The following FAM3D variants were observed in gnomAD, a reference collection of about 807,000 sequenced individuals.
FAM3D encodes the protein FAM3 metabolism regulating signaling molecule D.
In FAM3D, 26 loss-of-function variants were observed where a neutral mutation model predicts 29.8. That is an observed-to-expected ratio of 0.87 (90% CI 0.64 to 1.21). The LOEUF (loss-of-function observed/expected upper bound fraction) is 1.21, where lower values mean the gene tolerates loss of function less well. Among genes scored for constraint, FAM3D ranks in the 50% most tolerant of loss-of-function variants. The pLI is 0.00. For missense variants in FAM3D, 253 were observed against 290.9 expected (o/e 0.87, Z 0.95); for synonymous variants, 115 against 102.3 (o/e 1.12, Z -0.75).
intron 1 of FAM3D, among the ~76,000 whole-genome samples, chr3:58,658,624 T>A (rs958939836): frequency 3.3e-5 from 5 of 152,228 alleles, no homozygotes; most frequent in Non-Finnish European, 5.9e-5. Flanking sequence ...GTTCAACACC[T>A]ACCTGTGGTC....
intron 1 of FAM3D, among the ~76,000 whole-genome samples, chr3:58,661,474 C>T (rs1339969114): frequency 6.6e-6 from 1 of 152,236 alleles, no homozygotes; most frequent in Non-Finnish European, 1.5e-5. Flanking sequence ...CTCCCATTCA[C>T]CTGACAGATC....
chr3:58,640,276 A>G (rs2066291337), intron 6 of FAM3D, 99 bp from the exon 7 acceptor site: 1 of 1,345,294 alleles, frequency 7.4e-7, no homozygotes, highest in Admixed American at 1.7e-5. Flanking sequence ...ATCTAAAAAC[A>G]GAATAAGAAT....
chr3:58,656,352 G>A lies in FAM3D; in HGVS notation c.-38-751C>T, dbSNP rs545959622. 7.2e-5 allele frequency among the ~76,000 whole-genome samples: 11 copies of A among 152,298 alleles called. No individual in the cohort carries two copies. In the East Asian group the frequency reaches 1.7e-3, roughly 24 times the overall value. On this transcript the variant is annotated intron_variant, in intron 1 of 9. Transcript: ENST00000358781. ...TTGCAAGGGTGAGAGCCAGAATTTG[G>A]ATGCAGGTTTCTGGCTGCTGAACAC...
intron 1 of FAM3D, among the ~76,000 whole-genome samples, chr3:58,656,452 C>T (rs1299213446): frequency 6.6e-6 from 1 of 152,120 alleles, no homozygotes; most frequent in East Asian, 1.9e-4. Flanking sequence ...AGGGTTGAAA[C>T]CAAAGTTTTC....
intron 3 of FAM3D, 93 bp downstream of exon 3, chr3:58,653,581 T>A: frequency 8.3e-7 from 1 of 1,204,592 alleles, no homozygotes; most frequent in Middle Eastern, 2.6e-4. Flanking sequence ...GCTTGTCATG[T>A]CTCCTGGGTC....
intron 3 of FAM3D, among the ~76,000 whole-genome samples, chr3:58,650,862 C>T (rs566568928): frequency 2.0e-4 from 30 of 152,260 alleles, no homozygotes; most frequent in Admixed American, 1.5e-3. Context: ...GGACTACAGG[C>T]GCCCGCCACC....
Position 58,635,051 on chromosome 3 carries a change from T to C in FAM3D, c.586-683A>G, listed in dbSNP as rs2066123270. On this transcript the variant is annotated intron_variant, in intron 9 of 9. Coordinates refer to ENST00000358781, the MANE Select transcript of FAM3D (RefSeq NM_138805.3). This position sits in a 1 kb window ranked among gnomAD's most constrained non-coding sequence, Gnocchi z 5.2. The stretch of plus-strand genomic sequence containing the variant: ...TTAGCTGGATGTGGTGGCACATGCC[T>C]GTGGTCCCAGCTACTCAGGAGGCAG... 6.6e-6 allele frequency among the ~76,000 whole-genome samples: 1 copy of C among 152,124 alleles called. No homozygotes were observed. The highest frequency in any genetic ancestry group is 1.5e-5 in the Non-Finnish European group (1 of 68,022).
intron 1 of FAM3D, among the ~76,000 whole-genome samples, chr3:58,658,897 G>A (rs1287591696): frequency 6.6e-6 from 1 of 152,182 alleles, no homozygotes; most frequent in African/African-American, 2.4e-5. Flanking sequence ...TGTGGTAGAC[G>A]TGTCCTGCCA....
chr3:58,639,664 A>G (rs1182362979), intron 7 of FAM3D, among the ~76,000 whole-genome samples: 1 of 152,112 alleles, frequency 6.6e-6, no homozygotes, highest in East Asian at 1.9e-4. Flanking sequence ...TCACCCCTCC[A>G]TCCTGGGGGA....
intron 4 of FAM3D, among the ~76,000 whole-genome samples, chr3:58,648,967 C>T (rs1252711156): frequency 6.6e-6 from 1 of 152,238 alleles, no homozygotes; most frequent in South Asian, 2.1e-4. Flanking sequence ...TTAAGGAGCA[C>T]AGCCCTGGTC....
intron 1 of FAM3D, among the ~76,000 whole-genome samples, chr3:58,663,744 G>A (rs1278298847): frequency 6.6e-6 from 1 of 152,104 alleles, no homozygotes; most frequent in Non-Finnish European, 1.5e-5. Flanking sequence ...ATTTTCACCA[G>A]AACATTCCTC....
At chr3:58,662,275 C>A (rs564255859) in intron 1 of FAM3D, among the ~76,000 whole-genome samples, 1 of 152,188 alleles carries the variant, frequency 6.6e-6, no homozygotes, top group Non-Finnish European at 1.5e-5. Flanking sequence ...TATTCATTTC[C>A]GTCTGAGACA....
chr3:58,638,884 C>T (rs2066248792), intron 7 of FAM3D, among the ~76,000 whole-genome samples: 1 of 152,184 alleles, frequency 6.6e-6, no homozygotes, highest in African/African-American at 2.4e-5. Context: ...TCTTAAAGCA[C>T]CATTAATTTG....
At chr3:58,645,466 T>G (rs761757289) in intron 5 of FAM3D, 43 bp downstream of exon 5, 1 of 1,407,546 alleles carries the variant, frequency 7.1e-7, no homozygotes, top group South Asian at 1.5e-5. Context: ...TGAAATAAAA[T>G]AAAATAAAAT....
At chr3:58,638,124 T>C (rs2066227645) in intron 7 of FAM3D, among the ~76,000 whole-genome samples, 1 of 152,196 alleles carries the variant, frequency 6.6e-6, no homozygotes, top group African/African-American at 2.4e-5. Context: ...CCTCAGGTGA[T>C]CTGCCTGTCT....
At chr3:58,639,913 A>T (rs746200938) in intron 7 of FAM3D, among the ~76,000 whole-genome samples, 20 of 152,184 alleles carry the variant, frequency 1.3e-4, no homozygotes, top group Non-Finnish European at 1.8e-4. Context: ...TCCCTGTCTC[A>T]GGATCTGAGT....
At chr3:58,651,689 G>A (rs766818998) in intron 3 of FAM3D, among the ~76,000 whole-genome samples, 1 of 152,026 alleles carries the variant, frequency 6.6e-6, no homozygotes, top group Non-Finnish European at 1.5e-5. Context: ...TTCAATTACT[G>A]CCCCTCTCCC....
At chr3:58,649,379 G>A (rs373705839) in intron 3 of FAM3D, 41 bp from the exon 4 acceptor site, 8 of 1,613,330 alleles carry the variant, frequency 5.0e-6, no homozygotes, top group East Asian at 2.2e-5. Flanking sequence ...AAAGCACTTC[G>A]GACCCTCCTG....
intron 3 of FAM3D, among the ~76,000 whole-genome samples, chr3:58,652,506 A>G (rs1278557258): frequency 6.7e-6 from 1 of 148,854 alleles, no homozygotes; most frequent in African/African-American, 2.5e-5. Flanking sequence ...CCCTCCATCT[A>G]CCCATCTACC....
Sources: allele counts gnomAD v4.1 joint callset (sites outside exome capture counted in the v4.1 genomes callset), GRCh38; gene constraint gnomAD v4.1.1; non-coding constraint Gnocchi (gnomAD v3.1); transcripts MANE v1.5; gene names NCBI Gene and HGNC (gene_info 2026-07-23, HGNC 2026-07-21).